Variants in TVP23C observed in about 807,000 individuals in gnomAD.
TVP23C encodes the protein Golgi apparatus membrane protein TVP23 homolog C.
A neutral mutation model predicts 28.7 loss-of-function variants in TVP23C; 19 were observed. The ratio of observed to expected loss-of-function variants is 0.66; its 90% CI spans 0.46 to 0.97. The LOEUF (loss-of-function observed/expected upper bound fraction) is 0.97, where lower values mean the gene tolerates loss of function less well. TVP23C is among the 50% of genes least tolerant of loss of function. The pLI, the probability that TVP23C is intolerant of heterozygous loss-of-function variation, is 0.00. For missense variants in TVP23C, 186 were observed against 241.3 expected, an observed-to-expected ratio of 0.77 and a Z score of 1.52; for synonymous variants, 68 against 81.7, an observed-to-expected ratio of 0.83 and a Z score of 0.90.
chr17:15,518,842 G>C (rs1982345599), intron 5 of TVP23C, among the ~76,000 whole-genome samples: 1 of 152,170 alleles, frequency 6.6e-6, no homozygotes. Flanking sequence ...GTTTGGCTCT[G>C]TGACCTCACT....
At chr17:15,531,524 T>C (rs1461784765) in intron 5 of TVP23C, among the ~76,000 whole-genome samples, 1 of 152,202 alleles carries the variant, frequency 6.6e-6, no homozygotes, top group African/African-American at 2.4e-5. Context: ...ATAATTACAT[T>C]TGTCCTATTT....
chr17:15,546,756 G>A (rs1597538463), intron 4 of TVP23C, among the ~76,000 whole-genome samples: 1 of 148,672 alleles, frequency 6.7e-6, no homozygotes, highest in African/African-American at 2.5e-5. Flanking sequence ...GGGATTTATG[G>A]AGACACTAAC....
At chr17:15,521,132 A>G (rs1430669400) in intron 5 of TVP23C, among the ~76,000 whole-genome samples, 1 of 151,940 alleles carries the variant, frequency 6.6e-6, no homozygotes, top group Non-Finnish European at 1.5e-5. Context: ...AATTCCCCCC[A>G]CTTGATACAC....
chr17:15,547,211 T>A (rs1983686042), intron 3 of TVP23C, 63 bp from the exon 4 acceptor site: 1 of 1,611,024 alleles, frequency 6.2e-7, no homozygotes, highest in South Asian at 1.1e-5. Flanking sequence ...TGTCACAAGC[T>A]CCTATCTTAG....
intron 5 of TVP23C, among the ~76,000 whole-genome samples, chr17:15,525,297 G>A (rs1383810068): frequency 7.9e-5 from 12 of 152,356 alleles, no homozygotes; most frequent in Non-Finnish European, 1.6e-4. Flanking sequence ...CTGTCATAGC[G>A]TTTACAGACA....
intron 1 of TVP23C, among the ~76,000 whole-genome samples, chr17:15,555,691 G>A (rs1327284338): frequency 3.9e-5 from 6 of 152,084 alleles, no homozygotes; most frequent in African/African-American, 1.4e-4. Flanking sequence ...CACAGAGCAA[G>A]CCGAGGCTAC....
rs2954739 is a variant in TVP23C at position 15,539,500 on chromosome 17, G to A, written c.*912C>T. On this transcript the variant is annotated 3_prime_UTR_variant, in exon 6 of 6. Transcript: ENST00000518321. Reference sequence around the variant, plus strand: ...CGCCTGTAGTCCCAGCTACTCGGGAGGCTGATGCAGGAGAATGGCGTGAAC... The same window carrying A: ...CGCCTGTAGTCCCAGCTACTCGGGAAGCTGATGCAGGAGAATGGCGTGAAC... 0.24 allele frequency: 116,955 copies of A among 485,332 alleles called. 14,989 individuals carry two copies. The highest frequency in any genetic ancestry group is 0.52 in the East Asian group (3,365 of 6,422). The allele number at this position is 485,332 out of a possible 1,614,324, so 30.1% of individuals were successfully genotyped here. A position where few individuals can be genotyped will look rare whatever the true frequency, so the allele number is the denominator to read the frequency against.
intron 5 of TVP23C, among the ~76,000 whole-genome samples, chr17:15,507,550 C>T (rs1186862632): frequency 6.6e-6 from 1 of 152,134 alleles, no homozygotes; most frequent in Admixed American, 6.5e-5. Flanking sequence ...GAAATAAAAT[C>T]TAAATAGGCC....
chr17:15,542,178 C>T (rs1403815514), intron 5 of TVP23C, among the ~76,000 whole-genome samples: 1 of 152,182 alleles, frequency 6.6e-6, no homozygotes, highest in Admixed American at 6.5e-5. Context: ...TAATTACCAT[C>T]CCCAGGAACT....
At chr17:15,530,093 C>A (rs1041332710) in intron 5 of TVP23C, among the ~76,000 whole-genome samples, 18 of 152,260 alleles carry the variant, frequency 1.2e-4, no homozygotes, top group African/African-American at 4.1e-4. Context: ...GCCACTGTGC[C>A]CAGCCGCAAA....
chr17:15,513,905 A>C (rs759677325), intron 5 of TVP23C, among the ~76,000 whole-genome samples: 33 of 152,360 alleles, frequency 2.2e-4, no homozygotes, highest in Admixed American at 8.5e-4. Context: ...AGGGCAGAAG[A>C]AGCTGGATGT....
intron 5 of TVP23C, among the ~76,000 whole-genome samples, chr17:15,510,736 G>C (rs994014841): frequency 1.3e-5 from 2 of 152,146 alleles, no homozygotes; most frequent in African/African-American, 4.8e-5. Context: ...AAACAGAAAA[G>C]CAGTTATCAC....
chr17:15,541,619 T>C (rs1983413934), intron 5 of TVP23C, among the ~76,000 whole-genome samples: 1 of 152,262 alleles, frequency 6.6e-6, no homozygotes, highest in South Asian at 2.1e-4. Flanking sequence ...ACAAGATGTA[T>C]AGCTGATTTT....
rs1189026307 is a variant in TVP23C, at chr17:15,538,848, C to A, written c.*1564G>T. The A allele has an allele frequency of 3.0e-6, 3 of 985,608 alleles. No homozygotes were observed. Among genetic ancestry groups the A allele is most frequent in the Middle Eastern group, 5.2e-4 (1 of 1,936 alleles). The allele number at this position is 985,608 out of a possible 1,614,324, so 61.1% of individuals were successfully genotyped here. On this transcript the variant is annotated 3_prime_UTR_variant, in exon 6 of 6. Transcript: ENST00000518321. ...TACATGAAAGTTACCCTAAGGTGGA[C>A]CACAGTAAAGGTATATTGGAGCCAT...
At chr17:15,532,890 C>G (rs1983005900), downstream of TVP23C, among the ~76,000 whole-genome samples, 1 of 152,178 alleles carries the variant, frequency 6.6e-6, no homozygotes. Context: ...AATGAGAAAA[C>G]TGCTTCTCTT....
Position 15,545,783 on chromosome 17 carries a change from A to G in TVP23C, c.462+2T>C. On this transcript the variant is annotated splice_donor_variant, in intron 5 of 5. Transcript: ENST00000518321. LOFTEE classifies it high-confidence loss of function. ...ATTTGAAAGTTCTACACTGATACTC[A>G]CCAGCCACTTTACTGTGAAGGAGAA... 1 of 1,611,746 alleles carries G rather than the reference A, an allele frequency of 6.2e-7. No individual in the cohort carries two copies.
intron 5 of TVP23C, among the ~76,000 whole-genome samples, chr17:15,508,424 C>T (rs927302541): frequency 6.6e-6 from 1 of 152,228 alleles, no homozygotes; most frequent in Admixed American, 6.5e-5. Context: ...CATGTAACTG[C>T]CCGGCCAAAA....
Position 15,502,709 on chromosome 17 carries a change from T to C in TVP23C, c.*155A>G, listed in dbSNP as rs116291298. On this transcript the variant is annotated 3_prime_UTR_variant, in exon 6 of 6. Coordinates refer to the TVP23C transcript ENST00000225576. ...TACAAGTTCCCTGTTCGTTCGTTCT[T>C]TCTCTCTCTCCTCTCTCTCTCTTTC... 1.3e-3 allele frequency: 1,545 copies of C among 1,199,320 alleles called. 17 individuals are homozygous for C. The African/African-American group carries it at 0.021, about 17-fold the overall frequency. 74.3% of individuals were successfully genotyped at this position (1,199,320 alleles called of 1,614,324 possible).
intron 1 of TVP23C, among the ~76,000 whole-genome samples, chr17:15,556,254 T>C (rs1255097223): frequency 6.6e-6 from 1 of 151,924 alleles, no homozygotes; most frequent in Non-Finnish European, 1.5e-5. Flanking sequence ...GCATATAAAC[T>C]TCTTCAAGGC....
Sources: gnomAD v4.1 joint callset for allele counts (sites outside exome capture counted in the v4.1 genomes callset) on GRCh38, gnomAD v4.1.1 for gene constraint, MANE v1.5 for transcripts, NCBI Gene and HGNC (gene_info 2026-07-23, HGNC 2026-07-21) for gene names.